Variants in TIA1 observed in about 807,000 individuals in gnomAD.
TIA1 encodes TIA1 cytotoxic granule associated RNA binding protein, also known as cytotoxic granule associated RNA binding protein TIA1.
Under a neutral mutation model 65.9 loss-of-function variants are expected in TIA1, and 23 were observed. The ratio of observed to expected loss-of-function variants is 0.35; its 90% CI spans 0.25 to 0.49. The LOEUF is 0.49. Ranked by LOEUF, TIA1 falls within the 20% of genes least tolerant of loss-of-function variation. The pLI is 0.98. For synonymous variants in TIA1, 147 were observed against 149.4 expected (o/e 0.98, Z 0.12); for missense variants, 371 against 477.9 (o/e 0.78, Z 2.09).
intron 6 of TIA1, among the ~76,000 whole-genome samples, chr2:70,226,567 C>A (rs942607693): frequency 6.6e-6 from 1 of 152,092 alleles, no homozygotes; most frequent in African/African-American, 2.4e-5. Context: ...TATGACTACT[C>A]TGACAATAGG....
chr2:70,219,738 C>CTTT (rs1165514822), intron 7 of TIA1, among the ~76,000 whole-genome samples: 8 of 105,842 alleles, frequency 7.6e-5, no homozygotes, highest in East Asian at 2.7e-4. Flanking sequence ...GGTCGCCAGG[C>CTTT]TTTTTTTTTT....
intron 12 of TIA1, among the ~76,000 whole-genome samples, 172 bp from the exon 13 acceptor site, chr2:70,213,017 T>C (rs912090965): frequency 2.5e-4 from 38 of 152,242 alleles, no homozygotes; most frequent in African/African-American, 8.9e-4. Flanking sequence ...TAAAGTTTTT[T>C]TCTCTTAAAA....
At chr2:70,238,260 G>GTTTTTTTTTTTTTTTTTTTTTTTTT (rs763865705) in intron 1 of TIA1, among the ~76,000 whole-genome samples, 1 of 94,596 alleles carries the variant, frequency 1.1e-5, no homozygotes, top group African/African-American at 4.5e-5. Flanking sequence ...GTTCCCCCAA[G>GTTTTTTTTTTTTTTTTTTTTTTTTT]TTTTTTTTTT....
chr2:70,230,950 A>C, intron 2 of TIA1, 96 bp from the exon 3 acceptor site: 1 of 819,920 alleles, frequency 1.2e-6, no homozygotes, highest in Non-Finnish European at 1.9e-6. Flanking sequence ...AGTTTTATAC[A>C]TCTAAGTTAT....
At chr2:70,218,923 G>A (rs1255791094) in intron 7 of TIA1, among the ~76,000 whole-genome samples, 1 of 152,164 alleles carries the variant, frequency 6.6e-6, no homozygotes, top group Admixed American at 6.5e-5. Flanking sequence ...GACACCACAA[G>A]CAAAAGGAGA....
intron 1 of TIA1, among the ~76,000 whole-genome samples, chr2:70,241,845 G>A (rs1691918049): frequency 6.6e-6 from 1 of 151,798 alleles, no homozygotes; most frequent in Non-Finnish European, 1.5e-5. Context: ...TTGGGAAGCT[G>A]AAGTGAACAA....
chr2:70,224,485 GT>G, intron 7 of TIA1, 68 bp downstream of exon 7: 1 of 1,591,626 alleles, frequency 6.3e-7, no homozygotes, highest in Non-Finnish European at 8.6e-7. Context: ...AAAAAGATTA[GT>G]AATTAAAACG....
chr2:70,224,790 T>C lies in TIA1; in HGVS notation c.399-161A>G, dbSNP rs1683093508. 5 of 1,401,072 alleles carry C rather than the reference T, an allele frequency of 3.6e-6. No homozygotes were observed. In the African/African-American group the frequency reaches 5.8e-5, roughly 16 times the overall value. 86.8% of individuals were successfully genotyped at this position (1,401,072 alleles called of 1,614,324 possible). A position where few individuals can be genotyped will look rare whatever the true frequency, so the allele number is the denominator to read the frequency against. Reference sequence around the variant, plus strand: ...ACAAAATTTATCATGTATTAGGAAATGAGGCTTAATTTTATAGACATGCAA... The same window carrying C: ...ACAAAATTTATCATGTATTAGGAAACGAGGCTTAATTTTATAGACATGCAA... On this transcript the variant is annotated intron_variant, in intron 6 of 12. Transcript: ENST00000433529.
intron 2 of TIA1, among the ~76,000 whole-genome samples, chr2:70,235,541 AGTGTGT>A (rs145663932): frequency 1.6e-4 from 24 of 147,318 alleles, no homozygotes; most frequent in Non-Finnish European, 2.3e-4. Context: ...TAGATGAATG[AGTGTGT>A]GTGTGTGTGT....
At chr2:70,244,811 G>C (rs1038259125) in intron 1 of TIA1, among the ~76,000 whole-genome samples, 2 of 142,076 alleles carry the variant, frequency 1.4e-5, no homozygotes, top group South Asian at 4.6e-4. Flanking sequence ...TTCCAGCCTG[G>C]GTGACAGAGC....
intron 8 of TIA1, 151 bp from the exon 9 acceptor site, chr2:70,216,650 T>A: frequency 7.4e-7 from 1 of 1,343,914 alleles, no homozygotes; most frequent in Non-Finnish European, 1.0e-6. Context: ...GAATTAAACC[T>A]CCCCCACGAA....
chr2:70,236,197 T>C (rs757711272), intron 1 of TIA1, 22 bp from the exon 2 acceptor site: 2 of 1,491,936 alleles, frequency 1.3e-6, no homozygotes, highest in Non-Finnish European at 1.8e-6. Context: ...AGAGAAACAA[T>C]TTACCTTTTT....
chr2:70,236,776 G>A (rs1360569422), intron 1 of TIA1, among the ~76,000 whole-genome samples: 4 of 152,096 alleles, frequency 2.6e-5, no homozygotes, highest in Non-Finnish European at 5.9e-5. Context: ...ACAGGCGTGT[G>A]CCATCATATC....
At chr2:70,248,299 T>C in intron 1 of TIA1, 106 bp downstream of exon 1, 5 of 1,334,280 alleles carry the variant, frequency 3.7e-6, no homozygotes, top group Non-Finnish European at 5.1e-6. Flanking sequence ...AAAACCACGA[T>C]ATCGCGGTGT....
rs1305249974 is a variant in TIA1 at position 70,210,705 on chromosome 2, T to C, written c.*2014A>G. The C allele has an allele frequency of 1.3e-5, 2 of 152,114 alleles. No homozygotes were observed. The highest frequency in any genetic ancestry group is 2.9e-5 in the Non-Finnish European group (2 of 68,012). 9.4% of individuals were successfully genotyped at this position (152,114 alleles called of 1,614,324 possible). ...TAAGAGAACAATGAGGGTCCTAAAG[T>C]AGAAACATAAGCCAGAAGAAATCTA... On this transcript the variant is annotated 3_prime_UTR_variant, in exon 13 of 13. Transcript: ENST00000433529.
intron 10 of TIA1, 167 bp downstream of exon 10, chr2:70,216,041 C>T (rs964252181): frequency 2.0e-5 from 13 of 641,494 alleles, no homozygotes; most frequent in Middle Eastern, 4.3e-4. Flanking sequence ...CGTGAGCCAC[C>T]GCACCCGGCC....
chr2:70,236,800 TAC>T (rs1246584112), intron 1 of TIA1, among the ~76,000 whole-genome samples: 2 of 152,138 alleles, frequency 1.3e-5, no homozygotes, highest in East Asian at 1.9e-4. Flanking sequence ...CTAATTTTTT[TAC>T]AGTTTCTGTA....
chr2:70,237,689 C>T (rs777834133), intron 1 of TIA1, among the ~76,000 whole-genome samples: 5 of 151,646 alleles, frequency 3.3e-5, no homozygotes, highest in Non-Finnish European at 7.4e-5. Flanking sequence ...CACAGTGAAA[C>T]CCCTTCTCTA....
intron 2 of TIA1, among the ~76,000 whole-genome samples, chr2:70,232,327 G>A (rs1281995991): frequency 1.3e-5 from 2 of 151,280 alleles, no homozygotes; most frequent in African/African-American, 2.4e-5. Flanking sequence ...GATCACCTGA[G>A]GTCAGGAGTT....
Sources: gnomAD v4.1 joint callset for allele counts (sites outside exome capture counted in the v4.1 genomes callset) on GRCh38, gnomAD v4.1.1 for gene constraint, MANE v1.5 for transcripts, NCBI Gene and HGNC (gene_info 2026-07-23, HGNC 2026-07-21) for gene names.